The following GPR137C variants were observed in gnomAD, a reference collection of about 807,000 sequenced individuals.
GPR137C encodes G protein-coupled receptor 137C.
A neutral mutation model predicts 43.4 loss-of-function variants in GPR137C; 27 were observed. That is an observed-to-expected ratio of 0.62 (90% CI 0.46 to 0.86). GPR137C has a LOEUF of 0.86. Among genes scored for constraint, GPR137C ranks in the 40% least tolerant of loss-of-function variants. The pLI is 0.00. For missense variants in GPR137C, 522 were observed against 534.6 expected (o/e 0.98, Z 0.23); for synonymous variants, 285 against 226.9 (o/e 1.26, Z -2.30).
At chr14:52,580,056 A>G (rs746156832) in intron 1 of GPR137C, among the ~76,000 whole-genome samples, 27 of 152,198 alleles carry the variant, frequency 1.8e-4, no homozygotes, top group Non-Finnish European at 3.5e-4. Context: ...TTCTAAGGAT[A>G]GCAGTCTTGA....
intron 3 of GPR137C, among the ~76,000 whole-genome samples, chr14:52,601,200 T>A (rs1042856219): frequency 5.3e-5 from 8 of 152,202 alleles, no homozygotes; most frequent in Admixed American, 5.2e-4. Flanking sequence ...GGTATGTACA[T>A]AAATACATTT....
At chr14:52,633,991 A>T in intron 6 of GPR137C, 45 bp downstream of exon 6, 1 of 1,161,152 alleles carries the variant, frequency 8.6e-7, no homozygotes, top group South Asian at 1.3e-5. Flanking sequence ...ATTGAAATTG[A>T]TTGAAAAAAA....
At chr14:52,615,995 A>G (rs73291370) in intron 3 of GPR137C, among the ~76,000 whole-genome samples, 8,456 of 152,218 alleles carry the variant, frequency 0.056, 785 homozygotes, top group African/African-American at 0.19. Context: ...ACTTTCTTCC[A>G]TGTCAATGTC....
At chr14:52,619,742 G>A (rs2039138884) in intron 3 of GPR137C, among the ~76,000 whole-genome samples, 1 of 152,052 alleles carries the variant, frequency 6.6e-6, no homozygotes, top group African/African-American at 2.4e-5. Context: ...CATAATGTCA[G>A]GGTCATAGGA....
In GPR137C at chr14:52,573,941, T is replaced by C. The variant is rs1433663887; in HGVS notation, c.444+20350T>C. Among the ~76,000 whole-genome samples the C allele has an allele frequency of 3.9e-5, 6 of 152,144 alleles. 1 individual carries two copies. The highest frequency in any genetic ancestry group is 3.9e-4 in the Admixed American group (6 of 15,278). On this transcript the variant is annotated intron_variant, in intron 1 of 6. Coordinates refer to ENST00000321662, the MANE Select transcript of GPR137C (RefSeq NM_001099652.2). ...AACAGACACTTCTCAAAAGAAGACA[T>C]TTATGTGGCCACAAACATATGAAAA...
intron 1 of GPR137C, among the ~76,000 whole-genome samples, chr14:52,579,049 C>T (rs1022946915): frequency 2.0e-5 from 3 of 152,096 alleles, no homozygotes; most frequent in African/African-American, 7.2e-5. Flanking sequence ...ACAGAACCCC[C>T]GTTGCTAGTA....
At chr14:52,576,244 T>TA (rs1224489475) in intron 1 of GPR137C, among the ~76,000 whole-genome samples, 3 of 152,256 alleles carry the variant, frequency 2.0e-5, no homozygotes, top group African/African-American at 7.2e-5. Context: ...GTTTCTGAGT[T>TA]ATTTTACTTA....
chr14:52,597,833 A>G (rs189772579), intron 1 of GPR137C, among the ~76,000 whole-genome samples: 1 of 152,260 alleles, frequency 6.6e-6, no homozygotes, highest in African/African-American at 2.4e-5. Context: ...TTGGTACCTC[A>G]TTTCGCTTTA....
rs535476097 is a variant in GPR137C at position 52,626,506 on chromosome 14, A to G, written c.718-5654A>G. ...AGTAGAAGAAAAGGAAAGTACTTCA[A>G]TATCATAAAAGGCATCTACTAAAAA... On this transcript the variant is annotated intron_variant, in intron 3 of 6. Transcript: ENST00000321662. 5.9e-5 allele frequency among the ~76,000 whole-genome samples: 9 copies of G among 152,242 alleles called. No individual in the cohort carries two copies. In the East Asian group the frequency reaches 1.3e-3, roughly 23 times the overall value.
intron 3 of GPR137C, among the ~76,000 whole-genome samples, chr14:52,609,492 A>G (rs2039016022): frequency 6.6e-6 from 1 of 152,216 alleles, no homozygotes; most frequent in South Asian, 2.1e-4. Context: ...CTACACACCA[A>G]GGGGTTACAT....
chr14:52,585,161 A>G (rs550148374), intron 1 of GPR137C, among the ~76,000 whole-genome samples: 66 of 152,354 alleles, frequency 4.3e-4, no homozygotes, highest in Middle Eastern at 3.4e-3. Flanking sequence ...CTCGATATCA[A>G]AATATCAGAA....
chr14:52,603,691 C>A (rs1057186413), intron 3 of GPR137C, among the ~76,000 whole-genome samples: 1 of 151,930 alleles, frequency 6.6e-6, no homozygotes, highest in African/African-American at 2.4e-5. Context: ...CCTGACACCA[C>A]GCCTGGCTAA....
chr14:52,604,194 C>T (rs554391532), intron 3 of GPR137C, among the ~76,000 whole-genome samples: 1 of 152,266 alleles, frequency 6.6e-6, no homozygotes, highest in East Asian at 1.9e-4. Context: ...TAAATATTTA[C>T]TCCCATTCTA....
chr14:52,599,246 A>C (rs2038894159), intron 2 of GPR137C, among the ~76,000 whole-genome samples: 1 of 152,124 alleles, frequency 6.6e-6, no homozygotes, highest in African/African-American at 2.4e-5. Flanking sequence ...TCATGTGCAG[A>C]GTTGCTCTTC....
Position 52,553,096 on chromosome 14 carries a change from C to T in GPR137C, c.-52C>T. ...TCCTTCTCCCCTTCGACGGCGGCTC[C>T]GAGTCCAGCCCCTTCCTTCCCGCGC... is the stretch of plus-strand genomic sequence containing the variant. On this transcript the variant is annotated 5_prime_UTR_variant, in exon 1 of 7. Transcript: ENST00000321662. 3 of 1,030,618 alleles carry T rather than the reference C, an allele frequency of 2.9e-6. No homozygotes were observed. The highest frequency in any genetic ancestry group is 2.4e-6 in the Non-Finnish European group (2 of 830,990). 63.8% of individuals were successfully genotyped at this position (1,030,618 alleles called of 1,614,324 possible).
At chr14:52,577,921 T>C (rs1194148981) in intron 1 of GPR137C, among the ~76,000 whole-genome samples, 1 of 151,900 alleles carries the variant, frequency 6.6e-6, no homozygotes, top group East Asian at 1.9e-4. Context: ...ACTGAGATCG[T>C]GCCACTGCGT....
Position 52,553,502 on chromosome 14 carries a change from C to G in GPR137C, c.355C>G (p.Leu119Val). The change falls in exon 1 of 7, where the codon CTG becomes GTG. Residue 119 changes from leucine to valine, a missense_variant. Leu to Val is a conservative substitution (Grantham distance 32). Coordinates refer to ENST00000321662, the MANE Select transcript of GPR137C (RefSeq NM_001099652.2). ...GCCCTTGCTCCGGCCGCCCGCTCAC[C>G]TGCACTTCTTCCCCCACTGGCTGCT... is the stretch of plus-strand genomic sequence containing the variant. The part of the protein sequence containing the change: ...SLPLLRPPAH[L>V]HFFPHWLLYC... 6.2e-7 allele frequency: 1 copy of G among 1,609,242 alleles called. No homozygotes were observed. Among genetic ancestry groups the G allele is most frequent in the Non-Finnish European group, 8.5e-7 (1 of 1,179,726 alleles).
At chr14:52,578,944 CA>C (rs564809341) in intron 1 of GPR137C, among the ~76,000 whole-genome samples, 1,673 of 93,704 alleles carry the variant, frequency 0.018, 10 homozygotes, top group African/African-American at 0.037. Context: ...GACTCCGTCT[CA>C]AAAAAAAAAA....
chr14:52,635,200 C>A lies in GPR137C; in HGVS notation c.*85C>A. 8.8e-7 allele frequency: 1 copy of A among 1,142,240 alleles called. No individual in the cohort carries two copies. The allele number at this position is 1,142,240 out of a possible 1,614,324, so 70.8% of individuals were successfully genotyped here. The stretch of plus-strand genomic sequence containing the variant: ...TTAAATTCCATCTACATAAACATTC[C>A]ATTATCTGTTGCAACTGAAAACAAA... On this transcript the variant is annotated 3_prime_UTR_variant, in exon 7 of 7. Coordinates refer to ENST00000321662, the MANE Select transcript of GPR137C (RefSeq NM_001099652.2).
Sources: gnomAD v4.1 joint callset for allele counts (sites outside exome capture counted in the v4.1 genomes callset) on GRCh38, gnomAD v4.1.1 for gene constraint, MANE v1.5 for transcripts, NCBI Gene and HGNC (gene_info 2026-07-23, HGNC 2026-07-21) for gene names.